The following TESPA1 variants were observed in gnomAD, a reference collection of about 807,000 sequenced individuals.
The protein encoded by TESPA1 is protein TESPA1.
A neutral mutation model predicts 57.9 loss-of-function variants in TESPA1; 33 were observed. The ratio of observed to expected loss-of-function variants is 0.57; its 90% CI spans 0.43 to 0.76. The LOEUF is 0.76. TESPA1 is among the 30% of genes least tolerant of loss of function. The probability of loss-of-function intolerance (pLI) is 0.00; values close to 1 mark genes in which losing one functional copy is unlikely to be tolerated. For missense variants in TESPA1, 618 were observed against 632.9 expected, an observed-to-expected ratio of 0.98 and a Z score of 0.25; for synonymous variants, 227 against 228.9, an observed-to-expected ratio of 0.99 and a Z score of 0.07.
At chr12:54,981,411 G>A (rs1294490919) in intron 1 of TESPA1, among the ~76,000 whole-genome samples, 1 of 136,046 alleles carries the variant, frequency 7.4e-6, no homozygotes, top group Admixed American at 7.7e-5. Flanking sequence ...TTCTTTCCTG[G>A]GGCCTGTCCT....
At chr12:54,958,838 A>AT (rs1246903033) in intron 10 of TESPA1, among the ~76,000 whole-genome samples, 1 of 151,890 alleles carries the variant, frequency 6.6e-6, no homozygotes, top group Non-Finnish European at 1.5e-5. Context: ...CTGTGACACC[A>AT]TTTTTTATCT....
chr12:54,951,160 T>C (rs1308727803), intron 10 of TESPA1, among the ~76,000 whole-genome samples: 1 of 152,188 alleles, frequency 6.6e-6, no homozygotes, highest in Non-Finnish European at 1.5e-5. Context: ...TGGGAGGTGA[T>C]TGGATCACAG....
At chr12:54,973,580 A>C in intron 2 of TESPA1, 61 bp from the exon 3 acceptor site, 1 of 1,612,766 alleles carries the variant, frequency 6.2e-7, no homozygotes. Flanking sequence ...TCCTCCCTGC[A>C]ACTAATTCCA....
At chr12:54,977,305 G>A (rs1039817481) in intron 1 of TESPA1, among the ~76,000 whole-genome samples, 11 of 152,090 alleles carry the variant, frequency 7.2e-5, no homozygotes, top group African/African-American at 2.2e-4. Flanking sequence ...GGAGCCCAGT[G>A]CCTTCCAGAG....
At chr12:54,981,165 A>G (rs1448158969) in intron 1 of TESPA1, among the ~76,000 whole-genome samples, 1 of 152,090 alleles carries the variant, frequency 6.6e-6, no homozygotes, top group Admixed American at 6.5e-5. Flanking sequence ...AACACATATT[A>G]AGTCCCTGAT....
chr12:54,970,079 T>C (rs1434593877), intron 3 of TESPA1, among the ~76,000 whole-genome samples: 1 of 152,170 alleles, frequency 6.6e-6, no homozygotes, highest in Non-Finnish European at 1.5e-5. Context: ...GGTGCTGCCA[T>C]GCCTGGCTAA....
intron 8 of TESPA1, 97 bp downstream of exon 8, chr12:54,963,645 G>T: frequency 4.5e-6 from 6 of 1,338,672 alleles, no homozygotes; most frequent in Non-Finnish European, 6.2e-6. Flanking sequence ...AAGGGTTAAA[G>T]ATAACCAAGA....
chr12:54,978,085 G>C (rs898780390), intron 1 of TESPA1, among the ~76,000 whole-genome samples: 3 of 151,974 alleles, frequency 2.0e-5, no homozygotes, highest in Admixed American at 1.3e-4. Context: ...TCAGCCATGA[G>C]AGTGTTAGAC....
Position 54,966,389 on chromosome 12 carries a change from T to C in TESPA1, c.346A>G (p.Arg116Gly). 6.2e-7 allele frequency: 1 copy of C among 1,613,890 alleles called. No individual in the cohort carries two copies. Among genetic ancestry groups the C allele is most frequent in the Non-Finnish European group, 8.5e-7 (1 of 1,179,790 alleles). The change falls in exon 6 of 11, where the codon AGG becomes GGG. Residue 116 changes from arginine to glycine, a missense_variant and splice_region_variant. By Grantham distance (125) the Arg-to-Gly change is moderately radical (BLOSUM62 -2). Transcript: ENST00000449076. ...LLAANGKLFS[R>G]SFLETARPCQ... ...ACCCTGGCTGAACCTAACACTTACC[T>C]GGAGAAGAGTTTGCCATTGGCGGCC...
At chr12:54,973,443 C>T (rs990560098) in intron 3 of TESPA1, 34 bp downstream of exon 3, 2 of 1,613,704 alleles carry the variant, frequency 1.2e-6, no homozygotes, top group African/African-American at 2.7e-5. Flanking sequence ...CAACCATCAG[C>T]CACATACCAC....
In TESPA1 at chr12:54,971,122, T is replaced by G. The variant is rs116687970; in HGVS notation, c.206+2355A>C. ...TGCCTGAGATGTTGGTGAACTCTCC[T>G]GCAGAGCTTGTCAGAAAAGAAGATG... On this transcript the variant is annotated intron_variant, in intron 3 of 10. Coordinates refer to ENST00000449076, the MANE Select transcript of TESPA1 (RefSeq NM_001136030.3). 1.9e-3 allele frequency among the ~76,000 whole-genome samples: 287 copies of G among 152,364 alleles called. 2 individuals are homozygous for G. Among genetic ancestry groups the G allele is most frequent in the African/African-American group, 6.9e-3 (285 of 41,586 alleles).
chr12:54,965,185 T>G (rs1002263480), intron 7 of TESPA1, among the ~76,000 whole-genome samples: 1 of 152,244 alleles, frequency 6.6e-6, no homozygotes, highest in African/African-American at 2.4e-5. Flanking sequence ...TTTCTTTTTT[T>G]ATTTTCATTT....
Position 54,962,989 on chromosome 12 carries a change from G to GGGT in TESPA1, c.906_908dup (p.Pro303dup). 6.2e-7 allele frequency: 1 copy of GGGT among 1,613,612 alleles called. No individual in the cohort carries two copies. The highest frequency in any genetic ancestry group is 1.3e-5 in the African/African-American group (1 of 74,944). ...AACTGTTCCTTTTGGGGGTGTTGTG[G>GGGT]GGTGGTGGTGGCCGGTCTCGGGGGC... On this transcript the variant is annotated inframe_insertion, in exon 9 of 11. Coordinates refer to ENST00000449076, the MANE Select transcript of TESPA1 (RefSeq NM_001136030.3).
chr12:54,981,251 A>G (rs1952308308), intron 1 of TESPA1, among the ~76,000 whole-genome samples: 1 of 152,190 alleles, frequency 6.6e-6, no homozygotes, highest in South Asian at 2.1e-4. Context: ...ATGTTCACTA[A>G]AGTTGAAACA....
chr12:54,963,328 C>G, intron 8 of TESPA1, 86 bp from the exon 9 acceptor site: 2 of 1,315,508 alleles, frequency 1.5e-6, no homozygotes, highest in Non-Finnish European at 2.0e-6. Flanking sequence ...CCCCAAAGCT[C>G]AAAATTCAGG....
At chr12:54,974,298 G>T in intron 2 of TESPA1, 102 bp downstream of exon 2, 1 of 1,030,618 alleles carries the variant, frequency 9.7e-7, no homozygotes, top group Non-Finnish European at 1.3e-6. Context: ...CTCCCTGAGG[G>T]CCTGGCTAAA....
At chr12:54,953,595 G>T (rs1432121646) in intron 10 of TESPA1, among the ~76,000 whole-genome samples, 1 of 146,486 alleles carries the variant, frequency 6.8e-6, no homozygotes, top group East Asian at 2.3e-4. Flanking sequence ...ACAGCTCACT[G>T]CAAGCTCCGC....
At position 54,950,361 on chromosome 12, in the gene TESPA1, A is replaced by C. The variant is rs1341590098; in HGVS notation, c.*31T>G. On this transcript the variant is annotated 3_prime_UTR_variant, in exon 11 of 11. Coordinates refer to ENST00000449076, the MANE Select transcript of TESPA1 (RefSeq NM_001136030.3). The stretch of plus-strand genomic sequence containing the variant: ...TCTTCTTTGAAGCCAATTCTGTCAG[A>C]CCACATGCTGTTGTGGTGGTGGAGA... The C allele has an allele frequency of 4.4e-6, 2 of 456,872 alleles. No homozygotes were observed. Among genetic ancestry groups the C allele is most frequent in the Non-Finnish European group, 8.8e-6 (2 of 226,956 alleles). The allele number at this position is 456,872 out of a possible 1,614,324, so 28.3% of individuals were successfully genotyped here.
At chr12:54,977,203 A>G (rs147918608) in intron 1 of TESPA1, among the ~76,000 whole-genome samples, 38 of 152,296 alleles carry the variant, frequency 2.5e-4, no homozygotes, top group Middle Eastern at 6.8e-3. Flanking sequence ...CTGTGTTTCT[A>G]ATGCCTAAAA....
Sources: allele counts gnomAD v4.1 joint callset (sites outside exome capture counted in the v4.1 genomes callset), GRCh38; gene constraint gnomAD v4.1.1; transcripts MANE v1.5; gene names NCBI Gene and HGNC (gene_info 2026-07-23, HGNC 2026-07-21).